The following CEP295 variants were observed in gnomAD, a reference collection of about 807,000 sequenced individuals.
CEP295 encodes centrosomal protein of 295 kDa.
A neutral mutation model predicts 291.6 loss-of-function variants in CEP295; 190 were observed. That is an observed-to-expected ratio of 0.65 (90% CI 0.58 to 0.73). The LOEUF is 0.73. Among genes scored for constraint, CEP295 ranks in the 30% least tolerant of loss-of-function variants. CEP295 has a pLI of 0.00. For synonymous variants in CEP295, 993 were observed against 1,038.8 expected (o/e 0.96, Z 0.85); for missense variants, 2,863 against 2,949.4 (o/e 0.97, Z 0.68).
chr11:93,674,932 C>T (rs1278375493), intron 5 of CEP295, among the ~76,000 whole-genome samples: 1 of 152,102 alleles, frequency 6.6e-6, no homozygotes, highest in Non-Finnish European at 1.5e-5. Context: ...ACTTAATATT[C>T]TTTGTCAGTT....
intron 20 of CEP295, 144 bp downstream of exon 20, chr11:93,722,194 C>T (rs1006418834): frequency 2.4e-5 from 15 of 627,060 alleles, no homozygotes; most frequent in Non-Finnish European, 3.9e-5. Context: ...TATGGCCAGG[C>T]GTGGTGCCTC....
intron 18 of CEP295, among the ~76,000 whole-genome samples, chr11:93,720,259 G>A (rs921549798): frequency 6.6e-6 from 1 of 151,642 alleles, no homozygotes; most frequent in African/African-American, 2.4e-5. Context: ...GATCACCTGA[G>A]GTCACGAGTT....
rs1214498130 is a variant in CEP295, at chr11:93,698,569, A to T, written c.3657A>T (p.Glu1219Asp). 6 of 1,552,214 alleles carry T rather than the reference A, an allele frequency of 3.9e-6. No individual in the cohort carries two copies. Among genetic ancestry groups the T allele is most frequent in the Non-Finnish European group, 5.2e-6 (6 of 1,147,106 alleles). ...SQVDESERFQ[E>D]CISIKSDSTI... ...TGGATGAATCTGAGAGATTCCAGGA[A>T]TGTATATCAATCAAGAGTGACAGTA... Residue 1219 changes from glutamate to aspartate, a missense_variant, in exon 15 of 30, where the codon GAA (glutamate) becomes GAT (aspartate). Physicochemically the swap from Glu to Asp is conservative, Grantham distance 45. Transcript: ENST00000325212.
rs925677956 is a variant in CEP295 at position 93,679,637 on chromosome 11, A to C, written c.765+85A>C. 39 of 1,166,480 alleles carry C rather than the reference A, an allele frequency of 3.3e-5. No homozygotes were observed. The African/African-American group carries it at 5.5e-4, about 16-fold the overall frequency. 72.3% of individuals were successfully genotyped at this position (1,166,480 alleles called of 1,614,324 possible). A position where few individuals can be genotyped will look rare whatever the true frequency, so the allele number is the denominator to read the frequency against. On this transcript the variant is annotated intron_variant, in intron 7 of 29. Transcript: ENST00000325212. ...CTGATTAGTGAATGAGCTCAAAGAA[A>C]GGTAGGAAGGGTGGGTGTTCAATAT...
chr11:93,698,836 T>A lies in CEP295; in HGVS notation c.3924T>A (p.Ser1308=), dbSNP rs1397898766. Residue 1308 remains serine, a synonymous_variant, in exon 15 of 30, where the codon TCT becomes TCA. Transcript: ENST00000325212. ...LSFTSLASAE[S]GTILEPLFTE... ...TTACTTCGTTAGCTTCAGCTGAGTC[T>A]GGCACAATCCTGGAACCTCTTTTTA... The A allele has an allele frequency of 1.3e-6, 2 of 1,551,658 alleles. No homozygotes were observed. The highest frequency in any genetic ancestry group is 1.7e-6 in the Non-Finnish European group (2 of 1,147,002).
intron 23 of CEP295, among the ~76,000 whole-genome samples, chr11:93,726,360 C>T (rs564964588): frequency 6.6e-6 from 1 of 152,306 alleles, no homozygotes; most frequent in South Asian, 2.1e-4. Context: ...TCTAGAACTC[C>T]CGACCTCAGA....
chr11:93,704,250 A>G (rs914512042), intron 17 of CEP295, among the ~76,000 whole-genome samples: 4 of 152,132 alleles, frequency 2.6e-5, no homozygotes, highest in Admixed American at 6.5e-5. Context: ...TAGTAGTTGA[A>G]AAAAAAGCTG....
rs1951562477 is a variant in CEP295, at chr11:93,691,778, A to G, written c.1429+3A>G. On this transcript the variant is annotated splice_donor_region_variant and intron_variant, in intron 11 of 29. Coordinates refer to ENST00000325212, the MANE Select transcript of CEP295 (RefSeq NM_033395.2). ...TACAAACTCTGGAAAAGAACAAGGT[A>G]TTTCTTTTTATCACATCCTCAAATT... The G allele has an allele frequency of 6.6e-7, 1 of 1,510,862 alleles. No homozygotes were observed. 93.6% of individuals were successfully genotyped at this position (1,510,862 alleles called of 1,614,324 possible).
chr11:93,667,628 ATCG>A lies in CEP295; in HGVS notation c.131_133del (p.Ile44_Ala45delinsThr). On this transcript the variant is annotated inframe_deletion, in exon 3 of 30. Coordinates refer to ENST00000325212, the MANE Select transcript of CEP295 (RefSeq NM_033395.2). ...TTAGGTTCGAGAACAAGAAAGAGATATCGCCTTACAGATAAGAGAAGACATAAA... is the reference window on the plus strand; with the variant it reads ...TTAGGTTCGAGAACAAGAAAGAGATACCTTACAGATAAGAGAAGACATAAA... 6.5e-7 allele frequency: 1 copy of A among 1,548,626 alleles called. No homozygotes were observed. Among genetic ancestry groups the A allele is most frequent in the Non-Finnish European group, 8.7e-7 (1 of 1,146,048 alleles).
At chr11:93,692,146 A>G (rs1349335669) in intron 12 of CEP295, 116 bp downstream of exon 12, 1 of 624,882 alleles carries the variant, frequency 1.6e-6, no homozygotes, top group Non-Finnish European at 2.8e-6. Context: ...CATGTTTTTG[A>G]CATTGTCTTA....
rs537755212 is a variant in CEP295, at chr11:93,694,127, G to A, written c.1534-1370G>A. 1.6e-4 allele frequency among the ~76,000 whole-genome samples: 24 copies of A among 152,280 alleles called. No homozygotes were observed. The South Asian group carries it at 5.0e-3, about 32-fold the overall frequency. On this transcript the variant is annotated intron_variant, in intron 12 of 29. Transcript: ENST00000325212. The stretch of plus-strand genomic sequence containing the variant: ...TAACTAGGAATAGGTAAAGAATCAG[G>A]TCAAAACATTTTTTATTTTGAAAAC...
rs1565189066 is a variant in CEP295, at chr11:93,700,113, A to G, written c.5201A>G (p.Gln1734Arg). Reference protein sequence around the residue: ...SQKAQEKLLVQRQTALQQQIQ... With the variant: ...SQKAQEKLLVRRQTALQQQIQ... ...AAAGCCCAGGAAAAATTGCTTGTAC[A>G]GAGACAAACAGCATTGCAGCAGCAG... Residue 1734 changes from glutamine (Q) to arginine (R), a missense_variant, in exon 15 of 30, where the codon CAG (glutamine) becomes CGG (arginine). Coordinates refer to ENST00000325212, the MANE Select transcript of CEP295 (RefSeq NM_033395.2). The G allele has an allele frequency of 6.4e-7, 1 of 1,551,702 alleles. No homozygotes were observed. The highest frequency in any genetic ancestry group is 2.4e-5 in the East Asian group (1 of 40,910).
At position 93,707,765 on chromosome 11, in the gene CEP295, AAAG is replaced by A. The variant is rs554844353; in HGVS notation, c.5749+875_5749+877del. On this transcript the variant is annotated intron_variant, in intron 18 of 29. Transcript: ENST00000325212. ...CTCCGAGACTCCATCTGAAAAAAAA[AAAG>A]AAGAAGTTACATTTTATAGCCAGAT... Among the ~76,000 whole-genome samples, 648 of 152,288 alleles carry A rather than the reference AAAG, an allele frequency of 4.3e-3. 3 individuals are homozygous for A. Among genetic ancestry groups the A allele is most frequent in the African/African-American group, 0.014 (591 of 41,560 alleles).
At chr11:93,705,163 G>A (rs1042785797) in intron 17 of CEP295, among the ~76,000 whole-genome samples, 1 of 151,814 alleles carries the variant, frequency 6.6e-6, no homozygotes, top group African/African-American at 2.4e-5. Context: ...CTCTTTTTGT[G>A]GAACACCTTT....
chr11:93,698,969 G>C lies in CEP295; in HGVS notation c.4057G>C (p.Ala1353Pro). 1 of 1,550,846 alleles carries C rather than the reference G, an allele frequency of 6.4e-7. No individual in the cohort carries two copies. The highest frequency in any genetic ancestry group is 2.4e-5 in the East Asian group (1 of 40,908). The change falls in exon 15 of 30, where the codon GCA becomes CCA. Residue 1353 changes from alanine (A) to proline (P), a missense_variant. Coordinates refer to ENST00000325212, the MANE Select transcript of CEP295 (RefSeq NM_033395.2). ...LIQPQQDNLK[A>P]LQEQLATQRE... ...CCAGCCTCAACAAGATAATTTGAAG[G>C]CACTTCAAGAACAGTTAGCTACACA... is the stretch of plus-strand genomic sequence containing the variant.
intron 1 of CEP295, among the ~76,000 whole-genome samples, chr11:93,665,913 A>G (rs537482723): frequency 1.5e-4 from 23 of 152,188 alleles, no homozygotes; most frequent in Non-Finnish European, 2.9e-4. Flanking sequence ...GGAACAAAGA[A>G]CCCTTGAAAT....
Position 93,700,064 on chromosome 11 carries a change from A to G in CEP295, c.5152A>G (p.Arg1718Gly). Reference protein sequence around the residue: ...LGLQKQLDLQREVLHYSQKAQ... With the variant: ...LGLQKQLDLQGEVLHYSQKAQ... ...ACTTCAGAAACAGTTGGATCTACAAAGAGAAGTTCTGCATTATAGCCAGAA... is the reference window on the plus strand; with the variant it reads ...ACTTCAGAAACAGTTGGATCTACAAGGAGAAGTTCTGCATTATAGCCAGAA... Residue 1718 changes from arginine (R) to glycine (G), a missense_variant, in exon 15 of 30, where the codon AGA (arginine) becomes GGA (glycine). Physicochemically the swap from Arg to Gly is moderately radical, Grantham distance 125. Around this residue, in one of 3 missense-constraint regions of CEP295, gnomAD observed 2,295 missense variants for 2,335.7 expected, o/e 0.98. Transcript: ENST00000325212. 1 of 1,551,888 alleles carries G rather than the reference A, an allele frequency of 6.4e-7. No individual in the cohort carries two copies. The highest frequency in any genetic ancestry group is 8.7e-7 in the Non-Finnish European group (1 of 1,147,018).
intron 5 of CEP295, among the ~76,000 whole-genome samples, chr11:93,670,703 C>T (rs544810456): frequency 1.3e-5 from 2 of 152,270 alleles, no homozygotes; most frequent in East Asian, 3.9e-4. Context: ...ATTTCAGTCA[C>T]TCCTTCGGTA....
At chr11:93,709,699 A>G (rs1952766978) in intron 18 of CEP295, among the ~76,000 whole-genome samples, 1 of 152,128 alleles carries the variant, frequency 6.6e-6, no homozygotes, top group Non-Finnish European at 1.5e-5. Flanking sequence ...GTATTTTGAT[A>G]GGGATTGCAT....
Sources: allele counts gnomAD v4.1 joint callset (sites outside exome capture counted in the v4.1 genomes callset), GRCh38; gene constraint gnomAD v4.1.1; regional missense constraint gnomAD v4.1.1; transcripts MANE v1.5; gene names NCBI Gene and HGNC (gene_info 2026-07-23, HGNC 2026-07-21).